Variants in ZSCAN4 observed in about 807,000 individuals in gnomAD.
ZSCAN4 encodes zinc finger and SCAN domain-containing protein 4.
Under a neutral mutation model 18.3 loss-of-function variants are expected in ZSCAN4, and 18 were observed. The ratio of observed to expected loss-of-function variants is 0.98; its 90% CI spans 0.68 to 1.46. The LOEUF (loss-of-function observed/expected upper bound fraction) is 1.46, where lower values mean the gene tolerates loss of function less well. Ranked by LOEUF, ZSCAN4 falls within the 40% of genes most tolerant of loss-of-function variation. ZSCAN4 has a pLI of 0.00. For synonymous variants in ZSCAN4, 193 were observed against 180.3 expected (o/e 1.07, Z -0.57); for missense variants, 498 against 511.4 (o/e 0.97, Z 0.25).
chr19:57,658,884 A>G, the ZSCAN4 span, among the ~76,000 whole-genome samples: 1 of 152,050 alleles, frequency 6.6e-6, no homozygotes, highest in Non-Finnish European at 1.5e-5. Flanking sequence ...TGCTCTCAAA[A>G]ATACTCTTCC....
intron 3 of ZSCAN4, among the ~76,000 whole-genome samples, chr19:57,677,159 A>C (rs751090630): frequency 6.6e-6 from 1 of 152,206 alleles, no homozygotes; most frequent in Non-Finnish European, 1.5e-5. Context: ...CTAATCAAGA[A>C]AGACATTCTA....
At chr19:57,654,483 T>C in the ZSCAN4 span, among the ~76,000 whole-genome samples, 1 of 152,048 alleles carries the variant, frequency 6.6e-6, no homozygotes, top group African/African-American at 2.4e-5. Context: ...GCCCAGTACC[T>C]CCTTAGCCCA....
At chr19:57,654,473 G>A in the ZSCAN4 span, among the ~76,000 whole-genome samples, 17 of 152,152 alleles carry the variant, frequency 1.1e-4, 1 homozygote, top group South Asian at 2.9e-3. Flanking sequence ...TCCTTTGTCA[G>A]CCCAGTACCT....
upstream of ZSCAN4, chr19:57,664,305 A>C (rs942006332): frequency 1.3e-5 from 2 of 152,806 alleles, no homozygotes; most frequent in African/African-American, 4.8e-5. Flanking sequence ...GGCTCGGTGG[A>C]CTCGGCGAGC....
At chr19:57,666,124 C>T (rs890748908), upstream of ZSCAN4, among the ~76,000 whole-genome samples, 10 of 152,122 alleles carry the variant, frequency 6.6e-5, no homozygotes, top group African/African-American at 2.2e-4. Flanking sequence ...TAAAAAGGAA[C>T]CATATCAGAT....
At chr19:57,660,251 T>C in the ZSCAN4 span, among the ~76,000 whole-genome samples, 1 of 132,676 alleles carries the variant, frequency 7.5e-6, no homozygotes, top group African/African-American at 2.5e-5. Flanking sequence ...AGAGTTTATA[T>C]AGCAGGAAGG....
intron 3 of ZSCAN4, among the ~76,000 whole-genome samples, chr19:57,677,430 T>C (rs77044722): frequency 6.8e-6 from 1 of 147,104 alleles, no homozygotes; most frequent in Non-Finnish European, 1.5e-5. Context: ...TTTTTTTTTT[T>C]GCTTTTTATT....
chr19:57,664,290 T>G (rs1983796501), upstream of ZSCAN4: 1 of 144,014 alleles, frequency 6.9e-6, no homozygotes, highest in Admixed American at 7.0e-5. Context: ...ATGCCGCAGC[T>G]GCGGGGCTCG....
the ZSCAN4 span, among the ~76,000 whole-genome samples, chr19:57,663,520 TAAAAAAAAA>T: frequency 6.0e-5 from 4 of 66,548 alleles, no homozygotes; most frequent in African/African-American, 1.9e-4. Flanking sequence ...ACCATGTCTC[TAAAAAAAAA>T]AAAAAAAAAA....
the ZSCAN4 span, among the ~76,000 whole-genome samples, chr19:57,658,788 C>A: frequency 7.0e-6 from 1 of 143,818 alleles, no homozygotes; most frequent in South Asian, 2.2e-4. Flanking sequence ...GTACCAATAT[C>A]ATGCCATTGC....
At chr19:57,675,203 A>G (rs1416863411) in intron 2 of ZSCAN4, among the ~76,000 whole-genome samples, 2 of 137,684 alleles carry the variant, frequency 1.5e-5, no homozygotes, top group Non-Finnish European at 1.5e-5. Context: ...GCTGGAGTGC[A>G]GTGGCGCAAT....
chr19:57,667,536 G>A (rs777922239), upstream of ZSCAN4, among the ~76,000 whole-genome samples: 3 of 152,222 alleles, frequency 2.0e-5, no homozygotes, highest in Non-Finnish European at 4.4e-5. Flanking sequence ...CATACAGAAA[G>A]CACTGAGAAC....
intron 2 of ZSCAN4, among the ~76,000 whole-genome samples, chr19:57,671,250 C>T (rs557631996): frequency 1.6e-4 from 25 of 152,152 alleles, no homozygotes; most frequent in South Asian, 1.0e-3. Flanking sequence ...CCAGACCTGA[C>T]GGGTAGCATG....
intron 2 of ZSCAN4, among the ~76,000 whole-genome samples, chr19:57,671,625 G>A (rs1243910661): frequency 1.3e-5 from 2 of 152,152 alleles, no homozygotes; most frequent in Non-Finnish European, 2.9e-5. Context: ...AGGACTCAGT[G>A]CTTTTCCCTG....
At chr19:57,665,715 C>T (rs1243442681), upstream of ZSCAN4, among the ~76,000 whole-genome samples, 1 of 151,996 alleles carries the variant, frequency 6.6e-6, no homozygotes, top group African/African-American at 2.4e-5. Flanking sequence ...ATCAGGAGTT[C>T]GAGACCAGCC....
At chr19:57,658,640 C>T in the ZSCAN4 span, among the ~76,000 whole-genome samples, 1 of 151,892 alleles carries the variant, frequency 6.6e-6, no homozygotes, top group Non-Finnish European at 1.5e-5. Flanking sequence ...TCAAGACTAG[C>T]TTGGCCAACA....
chr19:57,655,828 A>AG, the ZSCAN4 span, among the ~76,000 whole-genome samples: 308 of 152,074 alleles, frequency 2.0e-3, 2 homozygotes, highest in African/African-American at 6.8e-3. Flanking sequence ...ACCCCCTTAC[A>AG]GGGGACACCT....
chr19:57,676,236 C>CCTG (rs753183111), exon 3 of ZSCAN4: 28 of 1,613,970 alleles, frequency 1.7e-5, no homozygotes, highest in Middle Eastern at 3.3e-4. Context: ...AAGCCAAGGA[C>CCTG]CTGCTGTTCA....
upstream of ZSCAN4, among the ~76,000 whole-genome samples, chr19:57,668,582 C>G (rs1286517852): frequency 2.6e-5 from 4 of 152,084 alleles, no homozygotes; most frequent in Non-Finnish European, 5.9e-5. Context: ...TAGCTCCCAC[C>G]CCTTCGATAC....
Sources: gnomAD v4.1 joint callset for allele counts (sites outside exome capture counted in the v4.1 genomes callset) on GRCh38, gnomAD v4.1.1 for gene constraint, MANE v1.5 for transcripts, NCBI Gene and HGNC (gene_info 2026-07-23, HGNC 2026-07-21) for gene names.